DLGAP2: variants seen among roughly 807,000 people sequenced by gnomAD.
DLGAP2 encodes the protein DLG associated protein 2.
DLGAP2 carries 26 observed loss-of-function variants against 100.3 expected under a neutral mutation model. The observed-to-expected ratio is 0.26, with a 90% CI of 0.19 to 0.36. DLGAP2 has a LOEUF of 0.36. Ranked by LOEUF, DLGAP2 falls within the 10% of genes least tolerant of loss-of-function variation. DLGAP2 has a pLI of 1.00. For missense variants in DLGAP2, 1,858 were observed against 1,453.2 expected, an observed-to-expected ratio of 1.28 and a Z score of -4.53; for synonymous variants, 886 against 630.1, an observed-to-expected ratio of 1.41 and a Z score of -6.08.
In DLGAP2 at chr8:1,702,220, AT is replaced by A. The variant is rs886506235; in HGVS notation, c.*820del. On this transcript the variant is annotated 3_prime_UTR_variant, in exon 15 of 15. Transcript: ENST00000637795. ...GTCCTTACTTGTAAACAGTTATTGTATTTTTTATTTCTTTCTAACTTAAAAT... is the reference window on the plus strand; with the variant it reads ...GTCCTTACTTGTAAACAGTTATTGTATTTTTATTTCTTTCTAACTTAAAAT... 34 of 149,324 alleles carry A rather than the reference AT, an allele frequency of 2.3e-4. No individual in the cohort carries two copies. Among genetic ancestry groups the A allele is most frequent in the African/African-American group, 8.2e-4 (34 of 41,408 alleles). 9.2% of individuals were successfully genotyped at this position (149,324 alleles called of 1,614,324 possible).
intron 2 of DLGAP2, among the ~76,000 whole-genome samples, chr8:955,875 G>A (rs972215362): frequency 6.6e-6 from 1 of 152,116 alleles, no homozygotes; most frequent in Non-Finnish European, 1.5e-5. Flanking sequence ...GAACAACAAG[G>A]GGTGGCGGCC....
chr8:851,799 C>T (rs17065344), intron 1 of DLGAP2, among the ~76,000 whole-genome samples: 6,363 of 152,316 alleles, frequency 0.042, 204 homozygotes, highest in African/African-American at 0.082. Context: ...ATGCCAGGAA[C>T]CACACTCGGA....
intron 4 of DLGAP2, among the ~76,000 whole-genome samples, chr8:1,547,186 G>A (rs183767562): frequency 2.0e-5 from 3 of 152,296 alleles, no homozygotes; most frequent in East Asian, 1.9e-4. Context: ...AGGGAGGCTC[G>A]GCAGCTCCTC....
intron 8 of DLGAP2, among the ~76,000 whole-genome samples, chr8:1,657,587 G>A (rs1043213077): frequency 2.6e-5 from 4 of 152,158 alleles, no homozygotes; most frequent in Admixed American, 6.5e-5. Context: ...TAACTTTAAT[G>A]AGCCATGTAG....
In DLGAP2 at chr8:1,097,387, C is replaced by T. The variant is rs188252769; in HGVS notation, c.74-161464C>T. ...GCTCAGTAGAGTGGAGCTGGGAGCC[C>T]GGGGCAGGCCTTCACCCTCTGTGGC... On this transcript the variant is annotated intron_variant, in intron 2 of 14. Transcript: ENST00000637795. 5.5e-4 allele frequency among the ~76,000 whole-genome samples: 65 copies of T among 117,634 alleles called. 5 individuals are homozygous for T. Among genetic ancestry groups the T allele is most frequent in the Non-Finnish European group, 8.4e-4 (48 of 57,426 alleles). 77.2% of individuals were successfully genotyped at this position (117,634 alleles called of 152,430 possible). A position where few individuals can be genotyped will look rare whatever the true frequency, so the allele number is the denominator to read the frequency against.
chr8:1,095,763 A>C (rs920853009), intron 2 of DLGAP2, among the ~76,000 whole-genome samples: 8 of 152,214 alleles, frequency 5.3e-5, no homozygotes, highest in African/African-American at 1.9e-4. Context: ...TTCTTTTTGT[A>C]ACATAAAAAC....
intron 2 of DLGAP2, chr8:927,225 A>T (rs1723062246): frequency 2.0e-6 from 2 of 985,304 alleles, no homozygotes; most frequent in Non-Finnish European, 2.4e-6. Flanking sequence ...ATAGAACATG[A>T]TCCATTATGG....
At chr8:1,268,499 C>T (rs1036111189) in intron 3 of DLGAP2, among the ~76,000 whole-genome samples, 1 of 152,200 alleles carries the variant, frequency 6.6e-6, no homozygotes, top group African/African-American at 2.4e-5. Flanking sequence ...GTTAGAGTGT[C>T]GCCATCTCCA....
In DLGAP2 at chr8:1,565,879, T is replaced by C; in HGVS notation, c.1427T>C (p.Leu476Pro). The C allele has an allele frequency of 1.9e-6, 3 of 1,607,374 alleles. No individual in the cohort carries two copies. The highest frequency in any genetic ancestry group is 2.5e-6 in the Non-Finnish European group (3 of 1,176,982). Residue 476 changes from leucine (L) to proline (P), a missense_variant, in exon 6 of 15, where the codon CTT (leucine) becomes CCT (proline). Coordinates refer to ENST00000637795, the MANE Select transcript of DLGAP2 (RefSeq NM_001346810.2). Reference sequence around the variant, plus strand: ...CTGAAGTCCATCGGACAGAGACCGCTTGGAGAGCACCAGACGTAAGTGAGA... The same window carrying C: ...CTGAAGTCCATCGGACAGAGACCGCCTGGAGAGCACCAGACGTAAGTGAGA... ...PLLKSIGQRP[L>P]GEHQTQTYLQ...
intron 6 of DLGAP2, among the ~76,000 whole-genome samples, chr8:1,603,616 G>C (rs1343612795): frequency 6.6e-6 from 1 of 152,240 alleles, no homozygotes; most frequent in African/African-American, 2.4e-5. Context: ...CTGGGTCTCA[G>C]TTCTGTAGAG....
At chr8:1,228,651 T>C (rs1798472431) in intron 2 of DLGAP2, among the ~76,000 whole-genome samples, 1 of 152,176 alleles carries the variant, frequency 6.6e-6, no homozygotes, top group Admixed American at 6.5e-5. Context: ...AATCAATTAA[T>C]GCAATGCAAC....
intron 2 of DLGAP2, among the ~76,000 whole-genome samples, chr8:935,358 G>C (rs1799047567): frequency 6.6e-6 from 1 of 152,118 alleles, no homozygotes; most frequent in South Asian, 2.1e-4. Flanking sequence ...CAGTCCAGAG[G>C]GTCTGTCCAT....
intron 2 of DLGAP2, among the ~76,000 whole-genome samples, chr8:989,125 C>T (rs906057267): frequency 1.7e-4 from 26 of 152,196 alleles, no homozygotes; most frequent in African/African-American, 6.0e-4. Context: ...CAGTCCCAGC[C>T]TTCAGCCCTG....
chr8:1,054,241 T>TACACACACGTACACACACGC, intron 2 of DLGAP2, among the ~76,000 whole-genome samples: 1 of 151,650 alleles, frequency 6.6e-6, no homozygotes, highest in Admixed American at 6.6e-5. Flanking sequence ...TATGCACATG[T>TACACACACGTACACACACGC]ACACACACGT....
At chr8:873,126 A>G (rs1282235688) in intron 1 of DLGAP2, among the ~76,000 whole-genome samples, 1 of 152,200 alleles carries the variant, frequency 6.6e-6, no homozygotes, top group Non-Finnish European at 1.5e-5. Context: ...TATAAAACTT[A>G]ATATAGTGTA....
chr8:1,220,709 C>T (rs544632375), intron 2 of DLGAP2, among the ~76,000 whole-genome samples: 3 of 152,312 alleles, frequency 2.0e-5, no homozygotes, highest in South Asian at 2.1e-4. Context: ...ATGTTAAAAT[C>T]TCCCACTATT....
At chr8:804,571 T>C (rs969888402) in intron 1 of DLGAP2, among the ~76,000 whole-genome samples, 3 of 152,220 alleles carry the variant, frequency 2.0e-5, no homozygotes, top group Non-Finnish European at 4.4e-5. Context: ...AATTTGTGCT[T>C]ATTCGAAGAA....
chr8:1,577,416 A>C (rs1803028422), intron 6 of DLGAP2, among the ~76,000 whole-genome samples: 4 of 151,946 alleles, frequency 2.6e-5, no homozygotes, highest in African/African-American at 9.7e-5. Context: ...TAAAAATTCA[A>C]AAATTAGCTG....
At chr8:1,192,707 A>G (rs533509178) in intron 2 of DLGAP2, among the ~76,000 whole-genome samples, 1 of 148,918 alleles carries the variant, frequency 6.7e-6, no homozygotes, top group East Asian at 2.0e-4. Flanking sequence ...GTTTTAGGGT[A>G]CGTGTGCACA....
Sources: gnomAD v4.1 joint callset for allele counts (sites outside exome capture counted in the v4.1 genomes callset) on GRCh38, gnomAD v4.1.1 for gene constraint, MANE v1.5 for transcripts, NCBI Gene and HGNC (gene_info 2026-07-23, HGNC 2026-07-21) for gene names.